Variants in XK observed in about 807,000 individuals in gnomAD.
XK encodes the protein X-linked Kx blood group antigen, Kell and VPS13A binding protein, also known as endoplasmic reticulum membrane adapter protein XK.
Under a neutral mutation model 14.0 loss-of-function variants are expected in XK, and 2 were observed. The ratio of observed to expected loss-of-function variants is 0.14; its 90% CI spans 0.06 to 0.45. XK has a LOEUF of 0.45. Ranked by LOEUF, XK falls within the 20% of genes least tolerant of loss-of-function variation. The probability of loss-of-function intolerance (pLI) is 0.98; values close to 1 mark genes in which losing one functional copy is unlikely to be tolerated. For missense variants in XK, 235 were observed against 341.5 expected, an observed-to-expected ratio of 0.69 and a Z score of 2.46; for synonymous variants, 149 against 147.5, an observed-to-expected ratio of 1.01 and a Z score of -0.08.
intron 2 of XK, among the ~76,000 whole-genome samples, chrX:37,700,480 C>T (rs1264235167): frequency 8.9e-6 from 1 of 112,071 alleles, no homozygotes; most frequent in Non-Finnish European, 1.9e-5. Context: ...TTGGAGGTGT[C>T]CTTGAGACAT....
chrX:37,725,682 A>T (rs1251965484), intron 2 of XK, among the ~76,000 whole-genome samples: 2 of 112,054 alleles, frequency 1.8e-5, no homozygotes, highest in Non-Finnish European at 1.9e-5. Flanking sequence ...AACTGTCAAA[A>T]CCTAGAAGCA....
In XK at chrX:37,727,343, CCATAG is replaced by C. The variant is rs781825129; in HGVS notation, c.509-292_509-288del. 5.4e-5 allele frequency among the ~76,000 whole-genome samples: 6 copies of C among 111,315 alleles called. No individual in the cohort carries two copies. The East Asian group carries it at 1.4e-3, about 27-fold the overall frequency. On this transcript the variant is annotated intron_variant, in intron 2 of 2. Transcript: ENST00000378616. ...ATATTCTCTCTGATGGATGGGGAAG[CCATAG>C]TACTTGTATTCCAGCTCCTAATCTG...
chrX:37,703,544 G>T (rs1452580235), intron 2 of XK, among the ~76,000 whole-genome samples: 3 of 111,989 alleles, frequency 2.7e-5, no homozygotes, highest in Non-Finnish European at 5.6e-5. Flanking sequence ...TTATGACTGT[G>T]CTCTTTTCCT....
intron 2 of XK, among the ~76,000 whole-genome samples, chrX:37,720,653 G>A (rs1169395740): frequency 9.1e-6 from 1 of 110,331 alleles, no homozygotes; most frequent in Non-Finnish European, 1.9e-5. Flanking sequence ...AGTACATTAA[G>A]TACAATGTAC....
chrX:37,720,137 C>G (rs1221819541), intron 2 of XK, among the ~76,000 whole-genome samples: 1 of 111,449 alleles, frequency 9.0e-6, no homozygotes, highest in African/African-American at 3.3e-5. Context: ...CCCATACCCA[C>G]CAGCTTTGAG....
rs782076359 is a variant in XK, at chrX:37,728,336, A to G, written c.1209A>G (p.Lys403=). 1.4e-5 allele frequency: 17 copies of G among 1,207,999 alleles called. No individual in the cohort carries two copies. The highest frequency in any genetic ancestry group is 1.6e-5 in the Non-Finnish European group (14 of 894,471). The part of the protein sequence containing the change: ...RCFCWACRQQ[K]PCEPIGKEDL... ...TTTGCTGGGCCTGCAGGCAGCAAAA[A>G]CCCTGTGAGCCGATAGGAAAGGAAG... Residue 403 remains lysine, a synonymous_variant, in exon 3 of 3, where the codon AAA becomes AAG. Transcript: ENST00000378616.
chrX:37,721,441 C>A (rs1927868337), intron 2 of XK, among the ~76,000 whole-genome samples: 1 of 111,105 alleles, frequency 9.0e-6, no homozygotes, highest in African/African-American at 3.3e-5. Flanking sequence ...GGCCAATACC[C>A]ACATGAAAAT....
chrX:37,689,936 A>G (rs1317274167), intron 1 of XK, among the ~76,000 whole-genome samples: 1 of 111,963 alleles, frequency 8.9e-6, no homozygotes, highest in African/African-American at 3.2e-5. Flanking sequence ...AGGAATAAAT[A>G]TAAATGAGTT....
At chrX:37,712,782 T>G (rs1397638655) in intron 2 of XK, among the ~76,000 whole-genome samples, 2 of 112,085 alleles carry the variant, frequency 1.8e-5, no homozygotes, top group Non-Finnish European at 3.8e-5. Flanking sequence ...GGCAGGGAAG[T>G]TAAATTAATC....
In XK at chrX:37,697,680, A is replaced by G. The variant is rs916554887; in HGVS notation, c.508+3132A>G. 2.7e-5 allele frequency among the ~76,000 whole-genome samples: 3 copies of G among 112,356 alleles called. No homozygotes were observed. In the East Asian group the frequency reaches 8.3e-4, roughly 31 times the overall value. ...TTCTTCATTGCAATATAATTCATAT[A>G]ACATAAATTTCACTACTTTGGGTGT... On this transcript the variant is annotated intron_variant, in intron 2 of 2. Transcript: ENST00000378616.
In XK at chrX:37,731,361, C is replaced by T. The variant is rs1928082981; in HGVS notation, c.*2899C>T. 1.8e-5 allele frequency: 2 copies of T among 111,899 alleles called. No homozygotes were observed. The highest frequency in any genetic ancestry group is 6.5e-5 in the African/African-American group (2 of 30,762). 9.2% of individuals were successfully genotyped at this position (111,899 alleles called of 1,213,427 possible). On this transcript the variant is annotated 3_prime_UTR_variant, in exon 3 of 3. Coordinates refer to ENST00000378616, the MANE Select transcript of XK (RefSeq NM_021083.4). ...TTCATCAAACATGTTTAGACTTCCT[C>T]TCATTGCTGGAGACAGCCCAGTGTA...
At chrX:37,695,901 C>T (rs1927297933) in intron 2 of XK, among the ~76,000 whole-genome samples, 1 of 112,206 alleles carries the variant, frequency 8.9e-6, no homozygotes, top group African/African-American at 3.2e-5. Flanking sequence ...TAGCAACATC[C>T]GTGTTCTCTA....
chrX:37,720,135 C>T (rs1013367025), intron 2 of XK, among the ~76,000 whole-genome samples: 3 of 111,474 alleles, frequency 2.7e-5, no homozygotes, highest in African/African-American at 9.8e-5. Context: ...CTCCCATACC[C>T]ACCAGCTTTG....
intron 2 of XK, among the ~76,000 whole-genome samples, chrX:37,699,349 T>C (rs2146815703): frequency 8.9e-6 from 1 of 112,385 alleles, no homozygotes; most frequent in East Asian, 2.8e-4. Flanking sequence ...TACTTTCAGT[T>C]CCAGACTTAA....
At position 37,693,966 on chromosome X, in the gene XK, C is replaced by T. The variant is rs28940594; in HGVS notation, c.246-320C>T. Among the ~76,000 whole-genome samples, 1,015 of 112,256 alleles carry T rather than the reference C, an allele frequency of 9.0e-3. 10 individuals carry two copies. The highest frequency in any genetic ancestry group is 0.031 in the African/African-American group (952 of 30,873). The stretch of plus-strand genomic sequence containing the variant: ...CTATGGCTACACAGCTAGTATGTGT[C>T]AGGAAGGGAAACTGCACATTTTTTC... On this transcript the variant is annotated intron_variant, in intron 1 of 2. Transcript: ENST00000378616.
At chrX:37,709,957 T>C (rs1379325148) in intron 2 of XK, among the ~76,000 whole-genome samples, 2 of 111,723 alleles carry the variant, frequency 1.8e-5, no homozygotes, top group Non-Finnish European at 3.8e-5. Flanking sequence ...TCAGAAAATC[T>C]CCTCAGTCCA....
intron 2 of XK, among the ~76,000 whole-genome samples, chrX:37,705,227 C>T (rs374033966): frequency 5.5e-5 from 6 of 109,671 alleles, no homozygotes; most frequent in Admixed American, 9.7e-5. Flanking sequence ...GGGCGGATCA[C>T]GAGGTCAGGA....
chrX:37,718,468 A>T (rs1489690778), intron 2 of XK, among the ~76,000 whole-genome samples: 1 of 112,051 alleles, frequency 8.9e-6, no homozygotes, highest in Admixed American at 9.5e-5. Context: ...CAATGTATTG[A>T]TACAGTCTGC....
Position 37,690,780 on chromosome X carries a change from A to G in XK, c.246-3506A>G, listed in dbSNP as rs781838502. On this transcript the variant is annotated intron_variant, in intron 1 of 2. Transcript: ENST00000378616. ...ATTTACTTTTTTATAAATACTTCAC[A>G]GAAAATTTGCTGTCCCTTGGTGTAG... Among the ~76,000 whole-genome samples, 5 of 112,402 alleles carry G rather than the reference A, an allele frequency of 4.4e-5. 1 individual carries two copies. In the South Asian group the frequency reaches 1.8e-3, roughly 42 times the overall value.
Sources: allele counts gnomAD v4.1 joint callset (sites outside exome capture counted in the v4.1 genomes callset), GRCh38; gene constraint gnomAD v4.1.1; transcripts MANE v1.5; gene names NCBI Gene and HGNC (gene_info 2026-07-23, HGNC 2026-07-21).